PLXNA4: variants seen among roughly 807,000 people sequenced by gnomAD.
PLXNA4 encodes plexin A4.
A neutral mutation model predicts 191.8 loss-of-function variants in PLXNA4; 44 were observed. That is an observed-to-expected ratio of 0.23 (90% CI 0.18 to 0.29). PLXNA4 has a LOEUF of 0.29. Ranked by LOEUF, PLXNA4 falls within the 10% of genes least tolerant of loss-of-function variation. PLXNA4 has a pLI of 1.00. For missense variants in PLXNA4, 1,800 were observed against 2,488.8 expected, an observed-to-expected ratio of 0.72 and a Z score of 5.89; for synonymous variants, 1,082 against 1,009.5, an observed-to-expected ratio of 1.07 and a Z score of -1.36.
At chr7:132,531,868 T>G (rs2116441548) in intron 1 of PLXNA4, among the ~76,000 whole-genome samples, 1 of 152,300 alleles carries the variant, frequency 6.6e-6, no homozygotes, top group East Asian at 1.9e-4. Context: ...TCTTAACAAG[T>G]TTCCAGGTAA....
intron 4 of PLXNA4, among the ~76,000 whole-genome samples, chr7:132,275,428 A>C (rs898778044): frequency 6.6e-6 from 1 of 152,164 alleles, no homozygotes; most frequent in African/African-American, 2.4e-5. Flanking sequence ...AACCACCACC[A>C]CAATCAACAT....
At chr7:132,530,790 T>C (rs996823175) in intron 1 of PLXNA4, among the ~76,000 whole-genome samples, 1 of 152,228 alleles carries the variant, frequency 6.6e-6, no homozygotes, top group Non-Finnish European at 1.5e-5. Context: ...ACAATGTTCA[T>C]TGCAGACAAC....
chr7:132,229,723 G>A (rs1798458600), intron 5 of PLXNA4, among the ~76,000 whole-genome samples: 1 of 152,132 alleles, frequency 6.6e-6, no homozygotes, highest in African/African-American at 2.4e-5. Flanking sequence ...CCAGGGATAG[G>A]GAATCTACAT....
chr7:132,640,419 T>C (rs895997489), intron 2 of PLXNA4, among the ~76,000 whole-genome samples: 30 of 152,176 alleles, frequency 2.0e-4, no homozygotes, highest in Admixed American at 1.5e-3. Context: ...TATTTGGAGA[T>C]AGGGCCTTTG....
intron 25 of PLXNA4, 47 bp from the exon 26 acceptor site, chr7:132,148,693 T>G: frequency 6.2e-7 from 1 of 1,612,628 alleles, no homozygotes; most frequent in Non-Finnish European, 8.5e-7. Context: ...TGACCCCTCT[T>G]GTGGGGAAGC....
At chr7:132,641,940 C>T (rs1170348562) in intron 2 of PLXNA4, among the ~76,000 whole-genome samples, 3 of 152,094 alleles carry the variant, frequency 2.0e-5, no homozygotes, top group Non-Finnish European at 2.9e-5. Flanking sequence ...ACACATCCCC[C>T]TTTCAGAAAT....
At chr7:132,453,168 T>C (rs1039295140) in intron 3 of PLXNA4, among the ~76,000 whole-genome samples, 2 of 152,068 alleles carry the variant, frequency 1.3e-5, no homozygotes, top group African/African-American at 2.4e-5. Context: ...GCAAATCCTA[T>C]GTCAATTAGG....
intron 4 of PLXNA4, among the ~76,000 whole-genome samples, chr7:132,267,732 A>C (rs1176333706): frequency 6.6e-6 from 1 of 152,232 alleles, no homozygotes; most frequent in Non-Finnish European, 1.5e-5. Flanking sequence ...GAAAACAAGC[A>C]TACTATGTAG....
At position 132,507,584 on chromosome 7, in the gene PLXNA4, C is replaced by T. The variant is rs1322927951; in HGVS notation, c.1110G>A (p.Arg370=). 1.2e-6 allele frequency: 2 copies of T among 1,614,142 alleles called. No individual in the cohort carries two copies. The highest frequency in any genetic ancestry group is 2.2e-5 in the East Asian group (1 of 44,878). ...LKQINDRIKE[R]LQSCYRGEGT... is the part of the protein sequence containing the mutation. ...CCTCGCCCCGGTAACAAGACTGCAG[C>T]CGCTCCTTAATGCGGTCATTTATCT... Residue 370 remains arginine (R), a synonymous_variant, in exon 2 of 32, where the codon CGG becomes CGA. Transcript: ENST00000321063.
intron 1 of PLXNA4, among the ~76,000 whole-genome samples, chr7:132,561,728 TTCCTCC>T (rs370457856): frequency 1.7e-5 from 1 of 59,262 alleles, no homozygotes; most frequent in Admixed American, 1.6e-4. Context: ...TCTCCTCCTC[TTCCTCC>T]TCCTCCTCCT....
chr7:132,226,047 G>T, intron 8 of PLXNA4, 114 bp downstream of exon 8: 2 of 933,816 alleles, frequency 2.1e-6, no homozygotes, highest in South Asian at 3.0e-5. Context: ...AGTGAAGGAG[G>T]CCTCCTCTGG....
intron 4 of PLXNA4, among the ~76,000 whole-genome samples, chr7:132,290,825 C>T (rs752216121): frequency 2.6e-5 from 4 of 152,154 alleles, no homozygotes; most frequent in East Asian, 3.9e-4. Flanking sequence ...GAAGTGTACC[C>T]GGAACATGGC....
chr7:132,184,007 T>C (rs1796796437), intron 16 of PLXNA4, among the ~76,000 whole-genome samples: 1 of 152,168 alleles, frequency 6.6e-6, no homozygotes, highest in South Asian at 2.1e-4. Flanking sequence ...TAAAACTTTA[T>C]TTACAAAAGC....
At chr7:132,447,154 G>A (rs1211068853) in intron 3 of PLXNA4, among the ~76,000 whole-genome samples, 4 of 152,148 alleles carry the variant, frequency 2.6e-5, no homozygotes, top group African/African-American at 4.8e-5. Context: ...CACCTTAGAG[G>A]CTTGCAGTTG....
chr7:132,275,243 T>C (rs1800228555), intron 4 of PLXNA4, among the ~76,000 whole-genome samples: 1 of 152,184 alleles, frequency 6.6e-6, no homozygotes, highest in Non-Finnish European at 1.5e-5. Context: ...GAAGCAGTTA[T>C]AGAACCACAG....
chr7:132,353,833 T>A (rs1803589154), intron 3 of PLXNA4, among the ~76,000 whole-genome samples: 1 of 152,176 alleles, frequency 6.6e-6, no homozygotes, highest in African/African-American at 2.4e-5. Context: ...CAATGAGGTG[T>A]CAGTTGTCCT....
chr7:132,345,962 C>T (rs1803230061), intron 3 of PLXNA4, among the ~76,000 whole-genome samples: 1 of 152,200 alleles, frequency 6.6e-6, no homozygotes, highest in Admixed American at 6.5e-5. Flanking sequence ...GCTGCGTGAG[C>T]TACAAGGCTC....
At chr7:132,138,569 GATCT>G (rs1236122770) in intron 30 of PLXNA4, among the ~76,000 whole-genome samples, 1 of 152,148 alleles carries the variant, frequency 6.6e-6, no homozygotes, top group East Asian at 1.9e-4. Context: ...CTGTTTTCTC[GATCT>G]ATCTGTCTTT....
rs140184376 is a variant in PLXNA4, at chr7:132,441,961, T to A, written c.1371+47331A>T. On this transcript the variant is annotated intron_variant, in intron 3 of 31. Coordinates refer to ENST00000321063, the MANE Select transcript of PLXNA4 (RefSeq NM_020911.2). ...GCTTTGTGAAGTGGCATGCCACCAA[T>A]GCTCGGTCAAAATCACATGCAAGAG... 6.6e-5 allele frequency among the ~76,000 whole-genome samples: 10 copies of A among 152,280 alleles called. No individual in the cohort carries two copies. The East Asian group carries it at 1.9e-3, about 29-fold the overall frequency.
Sources: gnomAD v4.1 joint callset for allele counts (sites outside exome capture counted in the v4.1 genomes callset) on GRCh38, gnomAD v4.1.1 for gene constraint, MANE v1.5 for transcripts, NCBI Gene and HGNC (gene_info 2026-07-23, HGNC 2026-07-21) for gene names.